The following OGN variants were observed in gnomAD, a reference collection of about 807,000 sequenced individuals.
OGN encodes the protein osteoglycin, also known as mimecan.
Under a neutral mutation model 30.8 loss-of-function variants are expected in OGN, and 19 were observed. The observed-to-expected ratio is 0.62, with a 90% CI of 0.43 to 0.90. OGN has a LOEUF of 0.90. Ranked by LOEUF, OGN falls within the 40% of genes least tolerant of loss-of-function variation. The pLI is 0.00. For missense variants in OGN, 283 were observed against 349.7 expected, an observed-to-expected ratio of 0.81 and a Z score of 1.52; for synonymous variants, 126 against 128.3, an observed-to-expected ratio of 0.98 and a Z score of 0.12.
At chr9:92,391,034 G>T (rs545706384) in intron 4 of OGN, among the ~76,000 whole-genome samples, 1 of 152,050 alleles carries the variant, frequency 6.6e-6, no homozygotes, top group Non-Finnish European at 1.5e-5. Context: ...GGAGGCCAAG[G>T]TGGGCAGATC....
Position 92,393,243 on chromosome 9 carries a change from T to G in OGN, c.270A>C (p.Glu90Asp). The G allele has an allele frequency of 6.4e-7, 1 of 1,559,360 alleles. No homozygotes were observed. Among genetic ancestry groups the G allele is most frequent in the Non-Finnish European group, 8.7e-7 (1 of 1,152,948 alleles). ...AAACACACAGCAGACACGTGGGCAT[T>G]TCTAAATTGGGAATAAAATCATAAA... ...TPLPPKKENDEMPTCLLCVCL... is the reference protein window; with the variant it reads ...TPLPPKKENDDMPTCLLCVCL... Residue 90 changes from glutamate to aspartate, a missense_variant and splice_region_variant, in exon 4 of 7, where the codon GAA (glutamate) becomes GAC (aspartate). Transcript: ENST00000375561.
chr9:92,383,571 A>C lies in OGN; in HGVS notation c.*2049T>G, dbSNP rs952680424. Among the ~76,000 whole-genome samples, 1 of 152,146 alleles carries C rather than the reference A, an allele frequency of 6.6e-6. No individual in the cohort carries two copies. The highest frequency in any genetic ancestry group is 1.5e-5 in the Non-Finnish European group (1 of 68,004). On this transcript the variant is annotated 3_prime_UTR_variant, in exon 7 of 7. Transcript: ENST00000375561. ...AATATAATGGAGACAGCATATTTTT[A>C]CTTTCTCTAATTATTTCGTCTGATA...
chr9:92,398,331 G>T (rs190735596), intron 3 of OGN, among the ~76,000 whole-genome samples: 1 of 151,910 alleles, frequency 6.6e-6, no homozygotes, highest in Admixed American at 6.6e-5. Context: ...ATTTATATAC[G>T]TATTTGGTTT....
At chr9:92,398,196 G>A (rs1250814140) in intron 3 of OGN, among the ~76,000 whole-genome samples, 4 of 152,152 alleles carry the variant, frequency 2.6e-5, no homozygotes, top group Admixed American at 1.3e-4. Flanking sequence ...GGAAAATGCT[G>A]TGTTTAACAG....
chr9:92,394,557 G>T (rs1842816162), intron 3 of OGN, among the ~76,000 whole-genome samples: 1 of 149,466 alleles, frequency 6.7e-6, no homozygotes, highest in Non-Finnish European at 1.5e-5. Context: ...GACCTATTTT[G>T]ATATATTTTA....
chr9:92,395,590 C>T (rs1261533495), intron 3 of OGN, among the ~76,000 whole-genome samples: 2 of 152,116 alleles, frequency 1.3e-5, no homozygotes, highest in Non-Finnish European at 2.9e-5. Context: ...AAGTGTCAAA[C>T]TATTTTCCAA....
chr9:92,396,699 G>T (rs1219980300), intron 3 of OGN, among the ~76,000 whole-genome samples: 1 of 151,556 alleles, frequency 6.6e-6, no homozygotes, highest in African/African-American at 2.4e-5. Context: ...CAAGTAACTG[G>T]GACTACAGGT....
chr9:92,401,197 AT>A lies in OGN; in HGVS notation c.175-13del, dbSNP rs1843097852. The A allele has an allele frequency of 7.9e-7, 1 of 1,266,432 alleles. No individual in the cohort carries two copies. The highest frequency in any genetic ancestry group is 1.1e-6 in the Non-Finnish European group (1 of 872,484). 78.4% of individuals were successfully genotyped at this position (1,266,432 alleles called of 1,614,324 possible). A position where few individuals can be genotyped will look rare whatever the true frequency, so the allele number is the denominator to read the frequency against. On this transcript the variant is annotated splice_polypyrimidine_tract_variant and intron_variant, in intron 2 of 6. Transcript: ENST00000375561. Reference sequence around the variant, plus strand: ...ACAGTTTCTTTTTCCTATTGGAAAAATAAAAGTTTGTTACCTAGCTTCATTA... The same window carrying A: ...ACAGTTTCTTTTTCCTATTGGAAAAAAAAAGTTTGTTACCTAGCTTCATTA...
Position 92,383,778 on chromosome 9 carries a change from T to G in OGN, c.*1842A>C, listed in dbSNP as rs1842325572. Among the ~76,000 whole-genome samples the G allele has an allele frequency of 6.6e-6, 1 of 152,150 alleles. No homozygotes were observed. Among genetic ancestry groups the G allele is most frequent in the Non-Finnish European group, 1.5e-5 (1 of 67,992 alleles). ...ACCAATGTTCTTTCTCCCTTATCAT[T>G]ATCTTATCTAAAACTACTGACTTTT... On this transcript the variant is annotated 3_prime_UTR_variant, in exon 7 of 7. Coordinates refer to ENST00000375561, the MANE Select transcript of OGN (RefSeq NM_014057.5).
chr9:92,404,493 T>TCAAA lies in OGN; in HGVS notation c.-76+2_-76+3insTTTG. The TCAAA allele has an allele frequency of 7.8e-7, 1 of 1,286,648 alleles. No homozygotes were observed. The highest frequency in any genetic ancestry group is 5.9e-5 in the East Asian group (1 of 16,996). 79.7% of individuals were successfully genotyped at this position (1,286,648 alleles called of 1,614,324 possible). A position where few individuals can be genotyped will look rare whatever the true frequency, so the allele number is the denominator to read the frequency against. On this transcript the variant is annotated splice_region_variant and intron_variant, in intron 1 of 6. Coordinates refer to ENST00000375561, the MANE Select transcript of OGN (RefSeq NM_014057.5). ...TAAAATAATATATGAAAAGTAAGCC[T>TCAAA]ACCGTTGTAGCTGTTTTGAAGTTTT...
intron 4 of OGN, 68 bp downstream of exon 4, chr9:92,393,018 A>T: frequency 2.3e-6 from 3 of 1,309,528 alleles, no homozygotes; most frequent in Non-Finnish European, 3.2e-6. Flanking sequence ...ACTATATAGA[A>T]ACTTGTGTTT....
At chr9:92,404,450 A>C in intron 1 of OGN, 46 bp downstream of exon 1, 1 of 1,182,494 alleles carries the variant, frequency 8.5e-7, no homozygotes, top group East Asian at 6.2e-5. Context: ...AGTCAGTCGC[A>C]CTTTAACAAA....
chr9:92,401,170 T>G lies in OGN; in HGVS notation c.190A>C (p.Ile64Leu). The change falls in exon 3 of 7, where the codon ATA becomes CTA. Residue 64 changes from isoleucine to leucine, a missense_variant. Physicochemically the swap from Ile to Leu is conservative, Grantham distance 5. Transcript: ENST00000375561. ...GKNIKEKETV[I>L]IPNEKSLQLQ... ...TGAAGACTTTTCTCATTGGGTATTA[T>G]CACAGTTTCTTTTTCCTATTGGAAA... is the stretch of plus-strand genomic sequence containing the variant. 2 of 1,491,416 alleles carry G rather than the reference T, an allele frequency of 1.3e-6. No homozygotes were observed. The highest frequency in any genetic ancestry group is 1.9e-6 in the Non-Finnish European group (2 of 1,071,748). The allele number at this position is 1,491,416 out of a possible 1,614,324, so 92.4% of individuals were successfully genotyped here.
chr9:92,395,464 C>A (rs75337179), intron 3 of OGN, among the ~76,000 whole-genome samples: 6,207 of 152,192 alleles, frequency 0.041, 197 homozygotes, highest in Non-Finnish European at 0.058. Context: ...TTCACTATTT[C>A]AAAGAAATTT....
intron 4 of OGN, among the ~76,000 whole-genome samples, chr9:92,392,578 C>G (rs1299427379): frequency 2.0e-5 from 3 of 151,308 alleles, no homozygotes; most frequent in Non-Finnish European, 1.5e-5. Context: ...TCACGCCACT[C>G]TACTCCAGCC....
rs552552673 is a variant in OGN, at chr9:92,385,667, T to C, written c.850A>G (p.Asn284Asp). The change falls in exon 7 of 7, where the codon AAC becomes GAC. Residue 284 changes from asparagine to aspartate, a missense_variant. Coordinates refer to ENST00000375561, the MANE Select transcript of OGN (RefSeq NM_014057.5). ...AATCTTTTTAAGCAAATAAAACTGT[T>C]TGGATGCTTTCCCAGGACGATTGGA... ...GNPIVLGKHP[N>D]SFICLKRLPI... 34 of 1,614,172 alleles carry C rather than the reference T, an allele frequency of 2.1e-5. No homozygotes were observed. The highest frequency in any genetic ancestry group is 6.7e-5 in the East Asian group (3 of 44,876).
At chr9:92,394,674 G>A (rs1317972778) in intron 3 of OGN, among the ~76,000 whole-genome samples, 2 of 150,602 alleles carry the variant, frequency 1.3e-5, no homozygotes, top group African/African-American at 2.4e-5. Flanking sequence ...GTGTGATCTC[G>A]GCTCACTGCA....
At chr9:92,386,066 G>T in intron 6 of OGN, 135 bp downstream of exon 6, 1 of 682,286 alleles carries the variant, frequency 1.5e-6, no homozygotes. Context: ...CTTTTTGATA[G>T]GCAGACATTT....
At chr9:92,386,172 G>A (rs1324495548) in intron 6 of OGN, 29 bp downstream of exon 6, 1 of 1,458,864 alleles carries the variant, frequency 6.9e-7, no homozygotes. Flanking sequence ...GGTAATTAGA[G>A]TCAGATATTG....
Sources: gnomAD v4.1 joint callset for allele counts (sites outside exome capture counted in the v4.1 genomes callset) on GRCh38, gnomAD v4.1.1 for gene constraint, MANE v1.5 for transcripts, NCBI Gene and HGNC (gene_info 2026-07-23, HGNC 2026-07-21) for gene names.